LPXN: variants seen among roughly 807,000 people sequenced by gnomAD.
LPXN encodes leupaxin.
Under a neutral mutation model 45.6 loss-of-function variants are expected in LPXN, and 28 were observed. The observed-to-expected ratio is 0.61, with a 90% CI of 0.45 to 0.84. LPXN has a LOEUF of 0.84. Ranked by LOEUF, LPXN falls within the 40% of genes least tolerant of loss-of-function variation. The pLI, the probability that LPXN is intolerant of heterozygous loss-of-function variation, is 0.00. For missense variants in LPXN, 459 were observed against 475.0 expected, an observed-to-expected ratio of 0.97 and a Z score of 0.31; for synonymous variants, 166 against 169.9, an observed-to-expected ratio of 0.98 and a Z score of 0.18.
At chr11:58,556,101 G>A (rs1302315612) in intron 3 of LPXN, among the ~76,000 whole-genome samples, 3 of 151,908 alleles carry the variant, frequency 2.0e-5, no homozygotes, top group Non-Finnish European at 2.9e-5. Flanking sequence ...AAGAAAAAAC[G>A]ATGTGCATGT....
At chr11:58,531,250 T>G (rs1386578264) in intron 7 of LPXN, among the ~76,000 whole-genome samples, 1 of 151,710 alleles carries the variant, frequency 6.6e-6, no homozygotes, top group Non-Finnish European at 1.5e-5. Flanking sequence ...AATAACAAAC[T>G]CCTCCGAGCT....
intron 7 of LPXN, among the ~76,000 whole-genome samples, chr11:58,545,437 A>C (rs1489974159): frequency 6.6e-6 from 1 of 152,222 alleles, no homozygotes; most frequent in Non-Finnish European, 1.5e-5. Context: ...ACTAATTCTC[A>C]GACTTTTATG....
At chr11:58,566,063 T>C (rs1412136805) in intron 2 of LPXN, among the ~76,000 whole-genome samples, 3 of 152,262 alleles carry the variant, frequency 2.0e-5, no homozygotes, top group Admixed American at 1.3e-4. Context: ...TTTATATGTA[T>C]TCACATACCT....
chr11:58,531,360 T>C (rs1853381566), intron 7 of LPXN, among the ~76,000 whole-genome samples: 1 of 151,950 alleles, frequency 6.6e-6, no homozygotes, highest in Non-Finnish European at 1.5e-5. Flanking sequence ...GAGAAGAACA[T>C]ACATGACCTG....
intron 3 of LPXN, among the ~76,000 whole-genome samples, chr11:58,556,701 C>T (rs1854214103): frequency 6.6e-6 from 1 of 152,056 alleles, no homozygotes; most frequent in Non-Finnish European, 1.5e-5. Flanking sequence ...GAAACAGTCT[C>T]TTTCTTATTG....
intron 2 of LPXN, among the ~76,000 whole-genome samples, chr11:58,567,606 C>T (rs1341585492): frequency 3.9e-5 from 6 of 152,120 alleles, no homozygotes; most frequent in Non-Finnish European, 7.4e-5. Context: ...CTGCAGCTGC[C>T]GTGTTGAAGT....
chr11:58,570,339 A>T, intron 2 of LPXN, among the ~76,000 whole-genome samples: 1 of 151,514 alleles, frequency 6.6e-6, no homozygotes, highest in East Asian at 1.9e-4. Flanking sequence ...TAAAAAAAAT[A>T]AAAAAAATTT....
chr11:58,545,785 C>T (rs1041670308), intron 7 of LPXN, among the ~76,000 whole-genome samples: 1 of 152,062 alleles, frequency 6.6e-6, no homozygotes, highest in Admixed American at 6.6e-5. Context: ...GAAATGATAC[C>T]CAAGTTGAAA....
chr11:58,567,676 C>T (rs894327161), intron 2 of LPXN, among the ~76,000 whole-genome samples: 2 of 152,216 alleles, frequency 1.3e-5, no homozygotes, highest in African/African-American at 4.8e-5. Context: ...AAAGCTGCTT[C>T]ACCATATTTG....
chr11:58,537,788 A>ATTG (rs1336093001), intron 7 of LPXN, among the ~76,000 whole-genome samples: 1 of 152,068 alleles, frequency 6.6e-6, no homozygotes, highest in East Asian at 1.9e-4. Flanking sequence ...TATTATTATT[A>ATTG]TACTTTAAGT....
upstream of LPXN, among the ~76,000 whole-genome samples, chr11:58,576,711 T>TAA (rs1433122551): frequency 6.6e-6 from 1 of 152,196 alleles, no homozygotes; most frequent in Non-Finnish European, 1.5e-5. Flanking sequence ...CTAAGATAAT[T>TAA]AATTGGTAGC....
chr11:58,570,973 G>C (rs905258785), intron 1 of LPXN, among the ~76,000 whole-genome samples: 3 of 152,106 alleles, frequency 2.0e-5, no homozygotes, highest in African/African-American at 7.2e-5. Flanking sequence ...GCTATAATTT[G>C]ATTTTTTATA....
intron 3 of LPXN, 23 bp from the exon 4 acceptor site, chr11:58,554,963 T>A: frequency 6.8e-7 from 1 of 1,479,076 alleles, no homozygotes; most frequent in South Asian, 1.1e-5. Context: ...AACAAAAAAG[T>A]CATATGAACA....
rs192347177 is a variant in LPXN at position 58,535,270 on chromosome 11, C to T, written c.743-7079G>A. On this transcript the variant is annotated intron_variant, in intron 7 of 8. Transcript: ENST00000395074. ...TGATGAACATCAATGTGAAAATCCT[C>T]GATAAAATATTGGCAAACTGAATCC... Among the ~76,000 whole-genome samples, 111 of 152,266 alleles carry T rather than the reference C, an allele frequency of 7.3e-4. No homozygotes were observed. The East Asian group carries it at 0.013, about 19-fold the overall frequency.
At chr11:58,532,195 C>A (rs1041068002) in intron 7 of LPXN, among the ~76,000 whole-genome samples, 3 of 152,238 alleles carry the variant, frequency 2.0e-5, no homozygotes, top group Non-Finnish European at 4.4e-5. Flanking sequence ...TGGCGCAGGG[C>A]TTGGGATCTG....
chr11:58,578,149 TAAAAAGTAA>T (rs1475012786), upstream of LPXN: 4 of 1,439,574 alleles, frequency 2.8e-6, no homozygotes, highest in East Asian at 1.1e-4. Context: ...AACGCCCAGA[TAAAAAGTAA>T]GAAAAAGTAG....
intron 4 of LPXN, among the ~76,000 whole-genome samples, chr11:58,553,683 T>C (rs956790949): frequency 6.6e-6 from 1 of 152,340 alleles, no homozygotes; most frequent in Admixed American, 6.5e-5. Context: ...CATTTTTATA[T>C]ACTGCTTTGA....
In LPXN at chr11:58,527,615, G is replaced by T. The variant is rs1472165651; in HGVS notation, c.1000C>A (p.Gln334Lys). Residue 334 changes from glutamine (Q) to lysine (K), a missense_variant, in exon 9 of 9, where the codon CAG becomes AAG. Coordinates refer to ENST00000395074, the MANE Select transcript of LPXN (RefSeq NM_004811.3). ...RRGTLCHGCG[Q>K]PITGRCISAM... is the part of the protein sequence containing the mutation. ...CTGATACAACGGCCAGTGATGGGCT[G>T]CCCACACCCATGGCAGAGCGTTCCC... 3.7e-6 allele frequency: 6 copies of T among 1,614,094 alleles called. No individual in the cohort carries two copies. Among genetic ancestry groups the T allele is most frequent in the Admixed American group, 1.7e-5 (1 of 60,008 alleles).
Position 58,549,823 on chromosome 11 carries a change from G to GA in LPXN, c.704dup (p.Phe236LeufsTer16), listed in dbSNP as rs1370773951. 13 of 1,614,078 alleles carry GA rather than the reference G, an allele frequency of 8.1e-6. No homozygotes were observed. Among genetic ancestry groups the GA allele is most frequent in the African/African-American group, 2.7e-5 (2 of 74,938 alleles). On this transcript the variant is annotated frameshift_variant, in exon 7 of 9. Coordinates refer to ENST00000395074, the MANE Select transcript of LPXN (RefSeq NM_004811.3). LOFTEE classifies it high-confidence loss of function. ...ACACCTCTCCGCAGTGAGAGCAGAA[G>GA]AAGTGCTCTGGGTGCCAGGTCTGGT...
Sources: gnomAD v4.1 joint callset for allele counts (sites outside exome capture counted in the v4.1 genomes callset) on GRCh38, gnomAD v4.1.1 for gene constraint, MANE v1.5 for transcripts, NCBI Gene and HGNC (gene_info 2026-07-23, HGNC 2026-07-21) for gene names.